Variants in TNR observed in about 807,000 individuals in gnomAD.
The protein encoded by TNR is tenascin-R.
In TNR, 45 loss-of-function variants were observed where a neutral mutation model predicts 150.4. That is an observed-to-expected ratio of 0.30 (90% CI 0.24 to 0.38). The LOEUF (loss-of-function observed/expected upper bound fraction) is 0.38, where lower values mean the gene tolerates loss of function less well. Among genes scored for constraint, TNR ranks in the 10% least tolerant of loss-of-function variants. TNR has a pLI of 1.00. For missense variants in TNR, 1,544 were observed against 1,759.1 expected (o/e 0.88, Z 2.19); for synonymous variants, 687 against 678.4 (o/e 1.01, Z -0.20).
chr1:175,629,063 T>A (rs1208183238), intron 1 of TNR, among the ~76,000 whole-genome samples: 2 of 152,218 alleles, frequency 1.3e-5, no homozygotes, highest in East Asian at 1.9e-4. Flanking sequence ...AGCTCCCATG[T>A]GGCAGGCACA....
chr1:175,699,830 C>G (rs1227809410), intron 1 of TNR, among the ~76,000 whole-genome samples: 2 of 152,020 alleles, frequency 1.3e-5, no homozygotes, highest in East Asian at 3.9e-4. Flanking sequence ...CATACCTTGG[C>G]CTCAGCTCCT....
chr1:175,357,786 C>G (rs1483357351), intron 15 of TNR, among the ~76,000 whole-genome samples: 3 of 152,188 alleles, frequency 2.0e-5, no homozygotes, highest in Non-Finnish European at 4.4e-5. Context: ...CAAGTTGTAA[C>G]TATTTACTTC....
intron 1 of TNR, among the ~76,000 whole-genome samples, chr1:175,712,000 G>T (rs1401066474): frequency 6.6e-6 from 1 of 152,170 alleles, no homozygotes; most frequent in Non-Finnish European, 1.5e-5. Context: ...GCTGCAGATA[G>T]AAATTTGGGT....
At chr1:175,339,161 G>A (rs2101993374) in intron 18 of TNR, among the ~76,000 whole-genome samples, 1 of 152,302 alleles carries the variant, frequency 6.6e-6, no homozygotes. Flanking sequence ...ACATGACTCA[G>A]ATTGCTGGAA....
chr1:175,660,612 G>A (rs955438857), intron 1 of TNR, among the ~76,000 whole-genome samples: 5 of 152,160 alleles, frequency 3.3e-5, no homozygotes, highest in South Asian at 2.1e-4. Context: ...ATAAGTTTCC[G>A]TCATTCAATA....
intron 18 of TNR, among the ~76,000 whole-genome samples, chr1:175,353,416 A>T (rs1452373350): frequency 6.6e-6 from 1 of 152,210 alleles, no homozygotes; most frequent in African/African-American, 2.4e-5. Context: ...ATTTCCTGTT[A>T]TAGAGATTAG....
chr1:175,511,804 G>A (rs937212727), intron 2 of TNR, among the ~76,000 whole-genome samples: 3 of 152,264 alleles, frequency 2.0e-5, no homozygotes, highest in Admixed American at 6.5e-5. Context: ...AGGTGATCAC[G>A]GACTCTTCTT....
chr1:175,540,512 G>A (rs1423227728), intron 1 of TNR, among the ~76,000 whole-genome samples: 9 of 152,184 alleles, frequency 5.9e-5, no homozygotes, highest in Admixed American at 2.6e-4. Context: ...TCTCAGCTCT[G>A]TTGCTGTGAC....
At chr1:175,668,319 G>A (rs1197924822) in intron 1 of TNR, among the ~76,000 whole-genome samples, 1 of 152,188 alleles carries the variant, frequency 6.6e-6, no homozygotes, top group Non-Finnish European at 1.5e-5. Context: ...AGTTTGAGTG[G>A]TCAGGTGGCT....
intron 22 of TNR, 115 bp from the exon 23 acceptor site, chr1:175,323,591 G>A: frequency 6.9e-7 from 1 of 1,444,658 alleles, no homozygotes; most frequent in Non-Finnish European, 9.3e-7. Flanking sequence ...GCTATTTTCA[G>A]CTAACATGAA....
intron 1 of TNR, among the ~76,000 whole-genome samples, chr1:175,601,668 C>A (rs1194266192): frequency 6.6e-6 from 1 of 152,146 alleles, no homozygotes; most frequent in East Asian, 1.9e-4. Context: ...CATTGAGAAC[C>A]TGTTGTGTGC....
intron 1 of TNR, among the ~76,000 whole-genome samples, chr1:175,672,597 C>T (rs1407226633): frequency 1.3e-5 from 2 of 152,212 alleles, no homozygotes; most frequent in Non-Finnish European, 2.9e-5. Context: ...AAGACAGCCA[C>T]ATACAGGCCA....
At chr1:175,664,942 G>A (rs1488440603) in intron 1 of TNR, among the ~76,000 whole-genome samples, 1 of 152,198 alleles carries the variant, frequency 6.6e-6, no homozygotes, top group African/African-American at 2.4e-5. Context: ...CTTAGTGAAG[G>A]TAGAAGAAAT....
intron 1 of TNR, among the ~76,000 whole-genome samples, chr1:175,681,649 A>C (rs937505776): frequency 1.3e-5 from 2 of 152,192 alleles, no homozygotes; most frequent in Non-Finnish European, 2.9e-5. Context: ...GACTCTAGGA[A>C]ATGATTTCCT....
chr1:175,453,321 G>T (rs979819977), intron 2 of TNR, among the ~76,000 whole-genome samples: 2 of 152,034 alleles, frequency 1.3e-5, no homozygotes, highest in East Asian at 1.9e-4. Context: ...TGCTGAGCCA[G>T]GTGTGAGGGC....
At chr1:175,442,919 C>G (rs1055658795) in intron 2 of TNR, among the ~76,000 whole-genome samples, 2 of 149,012 alleles carry the variant, frequency 1.3e-5, no homozygotes, top group African/African-American at 2.6e-5. Context: ...TGTAAAATAC[C>G]CATACTTTTC....
At chr1:175,377,279 G>A (rs966475057) in intron 9 of TNR, among the ~76,000 whole-genome samples, 1 of 151,996 alleles carries the variant, frequency 6.6e-6, no homozygotes, top group African/African-American at 2.4e-5. Flanking sequence ...CTTTTTTCCC[G>A]GTAGAGGGAA....
At chr1:175,707,363 T>C (rs1170737669) in intron 1 of TNR, among the ~76,000 whole-genome samples, 1 of 152,256 alleles carries the variant, frequency 6.6e-6, no homozygotes, top group Non-Finnish European at 1.5e-5. Context: ...CTGGTATTAC[T>C]ACAAACTTCC....
At chr1:175,428,707 G>A (rs186999332) in intron 2 of TNR, among the ~76,000 whole-genome samples, 335 of 152,242 alleles carry the variant, frequency 2.2e-3, no homozygotes, top group African/African-American at 7.7e-3. Context: ...GTTGAATTCT[G>A]ACTCAAATAC....
Sources: allele counts gnomAD v4.1 joint callset (sites outside exome capture counted in the v4.1 genomes callset), GRCh38; gene constraint gnomAD v4.1.1; transcripts MANE v1.5; gene names NCBI Gene and HGNC (gene_info 2026-07-23, HGNC 2026-07-21).